Variants in SELENBP1 observed in about 807,000 individuals in gnomAD.
SELENBP1 encodes selenium binding protein 1, also known as methanethiol oxidase.
Under a neutral mutation model 61.0 loss-of-function variants are expected in SELENBP1, and 71 were observed. The ratio of observed to expected loss-of-function variants is 1.16; its 90% CI spans 0.96 to 1.42. The LOEUF (loss-of-function observed/expected upper bound fraction) is 1.42. SELENBP1 is among the 40% of genes most tolerant of loss of function. SELENBP1 has a pLI of 0.00. For missense variants in SELENBP1, 561 were observed against 605.0 expected (o/e 0.93, Z 0.76); for synonymous variants, 270 against 238.9 (o/e 1.13, Z -1.20).
At chr1:151,365,423 C>A in intron 9 of SELENBP1, 140 bp downstream of exon 9, 1 of 1,479,318 alleles carries the variant, frequency 6.8e-7, no homozygotes, top group South Asian at 1.2e-5. Flanking sequence ...AGTCCTGGGC[C>A]TGTGCTGTCC....
At chr1:151,369,971 C>T (rs891257604) in intron 1 of SELENBP1, 1 of 1,478,174 alleles carries the variant, frequency 6.8e-7, no homozygotes, top group African/African-American at 1.4e-5. Flanking sequence ...GAGCTGGAGA[C>T]ACATGACCTG....
chr1:151,372,423 A>C (rs1652183465), intron 1 of SELENBP1, among the ~76,000 whole-genome samples: 1 of 152,100 alleles, frequency 6.6e-6, no homozygotes, highest in South Asian at 2.1e-4. Flanking sequence ...ATCTCCCAGC[A>C]GTGCCTCTGC....
At position 151,366,903 on chromosome 1, in the gene SELENBP1, C is replaced by T; in HGVS notation, c.483G>A (p.Gly161=). Residue 161 remains glycine, a splice_region_variant and synonymous_variant, in exon 6 of 12, where the codon GGG becomes GGA. Transcript: ENST00000368868. The stretch of plus-strand genomic sequence containing the variant: ...TCTCCCCATCCAGCAGCACAAAACC[C>T]CCTGAACAGGGAAGGAAGCAGGGTG... ...SLGDVKGNGK[G]GFVLLDGETF... is the part of the protein sequence containing the mutation. The T allele has an allele frequency of 6.2e-7, 1 of 1,613,604 alleles. No individual in the cohort carries two copies. Among genetic ancestry groups the T allele is most frequent in the Non-Finnish European group, 8.5e-7 (1 of 1,179,654 alleles).
intron 4 of SELENBP1, among the ~76,000 whole-genome samples, chr1:151,368,788 C>T (rs1314642558): frequency 6.6e-6 from 1 of 152,234 alleles, no homozygotes; most frequent in Non-Finnish European, 1.5e-5. Flanking sequence ...GAAGCCTTGT[C>T]CCTCTTCTCC....
intron 5 of SELENBP1, among the ~76,000 whole-genome samples, chr1:151,367,664 C>T (rs1382416142): frequency 3.9e-5 from 6 of 152,166 alleles, no homozygotes; most frequent in Non-Finnish European, 7.3e-5. Context: ...ACTCTGACGC[C>T]CAAGCTGAAG....
chr1:151,367,462 C>CAGTTTTACACTGGTTT (rs1651905940), intron 5 of SELENBP1: 1 of 108,824 alleles, frequency 9.2e-6, no homozygotes, highest in Non-Finnish European at 2.2e-5. Context: ...GCAGGGGGGC[C>CAGTTTTACACTGGTTT]TTTACGCCAG....
In SELENBP1 at chr1:151,366,825, G is replaced by C. The variant is rs1209514447; in HGVS notation, c.561C>G (p.Gly187=). ...WERPGGAAPL[G]YDFWYQPRHN... ...GTCGAGGCTGGTACCAGAAGTCATA[G>C]CCCAACGGTGCAGCACCCCCAGGTC... Residue 187 remains glycine (G), a synonymous_variant, in exon 6 of 12, where the codon GGC becomes GGG. Transcript: ENST00000368868. 1.2e-6 allele frequency: 2 copies of C among 1,614,148 alleles called. No homozygotes were observed. Among genetic ancestry groups the C allele is most frequent in the Admixed American group, 3.3e-5 (2 of 60,012 alleles).
chr1:151,369,341 C>CA (rs986805859), intron 3 of SELENBP1, 101 bp downstream of exon 3: 1 of 1,415,936 alleles, frequency 7.1e-7, no homozygotes, highest in African/African-American at 1.4e-5. Flanking sequence ...CAAGCATCCC[C>CA]AGGGAGGGCC....
Position 151,365,931 on chromosome 1 carries a change from C to T in SELENBP1, c.844-85G>A. On this transcript the variant is annotated intron_variant, in intron 7 of 11. Coordinates refer to ENST00000368868, the MANE Select transcript of SELENBP1 (RefSeq NM_003944.4). ...GGACTAGGGGTTAGATCTGGGTTGC[C>T]CAGACCTGGGAGGGAGAGAATAGAT... The T allele has an allele frequency of 4.8e-6, 7 of 1,452,728 alleles. No homozygotes were observed. The South Asian group carries it at 7.2e-5, about 15-fold the overall frequency. 90.0% of individuals were successfully genotyped at this position (1,452,728 alleles called of 1,614,324 possible). A position where few individuals can be genotyped will look rare whatever the true frequency, so the allele number is the denominator to read the frequency against.
rs1006144257 is a variant in SELENBP1, at chr1:151,364,386, G to A, written c.*157C>T. 1 of 825,988 alleles carries A rather than the reference G, an allele frequency of 1.2e-6. No individual in the cohort carries two copies. Among genetic ancestry groups the A allele is most frequent in the South Asian group, 1.7e-5 (1 of 59,504 alleles). The allele number at this position is 825,988 out of a possible 1,614,324, so 51.2% of individuals were successfully genotyped here. A position where few individuals can be genotyped will look rare whatever the true frequency, so the allele number is the denominator to read the frequency against. On this transcript the variant is annotated 3_prime_UTR_variant, in exon 12 of 12. Coordinates refer to ENST00000368868, the MANE Select transcript of SELENBP1 (RefSeq NM_003944.4). Reference sequence around the variant, plus strand: ...GCACAGTGAGCAACAAGCAACAGTGGTCAGTAAATGTATATGACTCAACAC... The same window carrying A: ...GCACAGTGAGCAACAAGCAACAGTGATCAGTAAATGTATATGACTCAACAC...
intron 1 of SELENBP1, chr1:151,370,009 C>T: frequency 6.9e-7 from 1 of 1,441,088 alleles, no homozygotes. Context: ...CAGCAGGGCC[C>T]CGGGAGGGTG....
chr1:151,366,796 T>C lies in SELENBP1; in HGVS notation c.590A>G (p.Asn197Ser), dbSNP rs1299385999. The C allele has an allele frequency of 4.3e-6, 7 of 1,613,942 alleles. No individual in the cohort carries two copies. The highest frequency in any genetic ancestry group is 5.9e-6 in the Non-Finnish European group (7 of 1,180,008). ...TGCCCACTCAGTGCTGATCATGACA[T>C]TGTGTCGAGGCTGGTACCAGAAGTC... The part of the protein sequence containing the change: ...GYDFWYQPRH[N>S]VMISTEWAAP... The change falls in exon 6 of 12, where the codon AAT becomes AGT. Residue 197 changes from asparagine (N) to serine (S), a missense_variant. Transcript: ENST00000368868.
chr1:151,369,772 G>A lies in SELENBP1; in HGVS notation c.5-3C>T. 1 of 1,552,198 alleles carries A rather than the reference G, an allele frequency of 6.4e-7. No homozygotes were observed. The highest frequency in any genetic ancestry group is 1.2e-5 in the South Asian group (1 of 84,076). Reference sequence around the variant, plus strand: ...TCCACAATTCCCACATTTCGTAGCTGTGGAAGCAATGGGGCGCATTGGCTG... The same window carrying A: ...TCCACAATTCCCACATTTCGTAGCTATGGAAGCAATGGGGCGCATTGGCTG... On this transcript the variant is annotated splice_region_variant and splice_polypyrimidine_tract_variant and intron_variant, in intron 1 of 11. Transcript: ENST00000368868.
At chr1:151,371,076 C>T (rs1019367966) in intron 1 of SELENBP1, among the ~76,000 whole-genome samples, 3 of 152,084 alleles carry the variant, frequency 2.0e-5, no homozygotes, top group African/African-American at 7.2e-5. Flanking sequence ...CAATGTATTC[C>T]AAAGGCCTTT....
Position 151,369,384 on chromosome 1 carries a change from G to T in SELENBP1, c.174+58C>A, listed in dbSNP as rs1056065369. On this transcript the variant is annotated intron_variant, in intron 3 of 11. Transcript: ENST00000368868. ...ATGGAGCTGGGAAGGGGGGGCCCAG[G>T]GCCAGGGATGAGGGCAGCTATGGTC... The T allele has an allele frequency of 2.0e-6, 3 of 1,520,566 alleles. No individual in the cohort carries two copies. The Admixed American group carries it at 5.6e-5, about 29-fold the overall frequency. The allele number at this position is 1,520,566 out of a possible 1,614,324, so 94.2% of individuals were successfully genotyped here.
At position 151,364,906 on chromosome 1, in the gene SELENBP1, C is replaced by G. The variant is rs1440037014; in HGVS notation, c.1256+20G>C. On this transcript the variant is annotated intron_variant, in intron 11 of 11. Coordinates refer to ENST00000368868, the MANE Select transcript of SELENBP1 (RefSeq NM_003944.4). ...GGAAGAGGAGGGCTGGGGAGGAGAG[C>G]CCATGTGTCTGCTTCTCACCTGATG... The G allele has an allele frequency of 6.2e-7, 1 of 1,607,968 alleles. No homozygotes were observed. The highest frequency in any genetic ancestry group is 8.5e-7 in the Non-Finnish European group (1 of 1,174,744).
chr1:151,371,407 T>C (rs1402578722), intron 1 of SELENBP1, among the ~76,000 whole-genome samples: 3 of 149,110 alleles, frequency 2.0e-5, no homozygotes, highest in Admixed American at 6.7e-5. Context: ...AGTGAAATTC[T>C]GACTAAAAAA....
At chr1:151,370,028 G>C in intron 1 of SELENBP1, 5 of 1,432,228 alleles carry the variant, frequency 3.5e-6, no homozygotes, top group Non-Finnish European at 4.6e-6. Flanking sequence ...TGGGAGGAGG[G>C]CTGATGCAGC....
chr1:151,366,978 G>A (rs560301584), intron 5 of SELENBP1, 74 bp from the exon 6 acceptor site: 5 of 1,559,936 alleles, frequency 3.2e-6, no homozygotes, highest in South Asian at 2.4e-5. Context: ...CCCTCTCCCC[G>A]AGGCATGTCT....
Sources: allele counts gnomAD v4.1 joint callset (sites outside exome capture counted in the v4.1 genomes callset), GRCh38; gene constraint gnomAD v4.1.1; transcripts MANE v1.5; gene names NCBI Gene and HGNC (gene_info 2026-07-23, HGNC 2026-07-21).